The following CASZ1 variants were observed in gnomAD, a reference collection of about 807,000 sequenced individuals.
CASZ1 encodes the protein zinc finger protein castor homolog 1.
Under a neutral mutation model 135.2 loss-of-function variants are expected in CASZ1, and 28 were observed. That is an observed-to-expected ratio of 0.21 (90% CI 0.15 to 0.28). CASZ1 has a LOEUF of 0.28. CASZ1 is among the 10% of genes least tolerant of loss of function. CASZ1 has a pLI of 1.00. For missense variants in CASZ1, 2,161 were observed against 2,453.3 expected (o/e 0.88, Z 2.52); for synonymous variants, 1,068 against 1,073.4 (o/e 0.99, Z 0.10).
Position 10,704,179 on chromosome 1 carries a change from C to T in CASZ1, c.-24+1313G>A, listed in dbSNP as rs17035599. 8.4e-3 allele frequency: 1,277 copies of T among 152,368 alleles called. 64 individuals are homozygous for T. The East Asian group carries it at 0.14, about 17-fold the overall frequency. The allele number at this position is 152,368 out of a possible 1,614,324, so 9.4% of individuals were successfully genotyped here. On this transcript the variant is annotated intron_variant, in intron 3 of 20. Transcript: ENST00000377022. ...GCATCCTGAGGAGCCTTCCACGGCACTCAGATCCTCATGGACCATGTGAAG... is the reference window on the plus strand; with the variant it reads ...GCATCCTGAGGAGCCTTCCACGGCATTCAGATCCTCATGGACCATGTGAAG...
intron 2 of CASZ1, among the ~76,000 whole-genome samples, chr1:10,752,515 C>T (rs1012567692): frequency 2.0e-5 from 3 of 152,126 alleles, no homozygotes; most frequent in African/African-American, 7.2e-5. Flanking sequence ...AGCAAGTGGC[C>T]GGCGTTTGCC....
Position 10,639,100 on chromosome 1 carries a change from C to T in CASZ1, c.5122G>A (p.Glu1708Lys). ...CGCAGGTCCTCGTCGTCGTCGTCCT[C>T]GTCGTCGTCCTCGTCGTCGTCGTCC... ...DEDDDDEDDD[E>K]DDDDEDLRTD... is the part of the protein sequence containing the mutation. The change falls in exon 21 of 21, where the codon GAG becomes AAG. Residue 1708 changes from glutamate (E) to lysine (K), a missense_variant. Transcript: ENST00000377022. The surrounding 1 kb of genome is among the most constrained non-coding windows in gnomAD (Gnocchi z 4.0). The T allele has an allele frequency of 8.7e-7, 1 of 1,150,492 alleles. No homozygotes were observed. Among genetic ancestry groups the T allele is most frequent in the Non-Finnish European group, 1.1e-6 (1 of 911,864 alleles). 71.3% of individuals were successfully genotyped at this position (1,150,492 alleles called of 1,614,324 possible).
At position 10,649,083 on chromosome 1, in the gene CASZ1, T is replaced by C. The variant is rs1447486773; in HGVS notation, c.3145A>G (p.Ile1049Val). Residue 1049 changes from isoleucine (I) to valine (V), a missense_variant, in exon 15 of 21, where the codon ATC (isoleucine) becomes GTC (valine). This residue lies in a region of CASZ1 where 349 missense variants were observed against 460.8 expected (regional missense o/e 0.76). Transcript: ENST00000377022. Reference protein sequence around the residue: ...GALFSTLDGAIKHANFHFRTE... With the variant: ...GALFSTLDGAVKHANFHFRTE... ...CACCCTACTCACTTTGCGTGCTTGA[T>C]GGCCCCGTCCAAGGTGCTGAAGAGC... 1 of 1,613,120 alleles carries C rather than the reference T, an allele frequency of 6.2e-7. No homozygotes were observed. Among genetic ancestry groups the C allele is most frequent in the African/African-American group, 1.3e-5 (1 of 74,936 alleles).
Position 10,735,143 on chromosome 1 carries a change from C to G in CASZ1, c.-77+25558G>C, listed in dbSNP as rs1639773049. On this transcript the variant is annotated intron_variant, in intron 2 of 20. Transcript: ENST00000377022. This position sits in a 1 kb window ranked among gnomAD's most constrained non-coding sequence, Gnocchi z 5.1. Reference sequence around the variant, plus strand: ...GCATCAGTACATTGCACACAGGAGCCAAAGTAACTGAATTTTGATGAAAAG... The same window carrying G: ...GCATCAGTACATTGCACACAGGAGCGAAAGTAACTGAATTTTGATGAAAAG... 6.6e-6 allele frequency among the ~76,000 whole-genome samples: 1 copy of G among 152,118 alleles called. No individual in the cohort carries two copies. The highest frequency in any genetic ancestry group is 6.5e-5 in the Admixed American group (1 of 15,274).
intron 18 of CASZ1, among the ~76,000 whole-genome samples, chr1:10,643,914 C>A (rs562688973): frequency 1.1e-3 from 162 of 152,246 alleles, no homozygotes; most frequent in Admixed American, 3.0e-3. Flanking sequence ...CTGCAGAATA[C>A]CCTGACATCT....
intron 4 of CASZ1, among the ~76,000 whole-genome samples, chr1:10,692,668 C>G (rs760147944): frequency 6.6e-6 from 1 of 152,244 alleles, no homozygotes; most frequent in African/African-American, 2.4e-5. Flanking sequence ...ACACCTCCCC[C>G]CAACAAACAC....
chr1:10,754,162 G>A (rs772140996), intron 2 of CASZ1, among the ~76,000 whole-genome samples: 8 of 152,110 alleles, frequency 5.3e-5, no homozygotes, highest in Non-Finnish European at 1.2e-4. Context: ...CCCCTTCCCT[G>A]GGAGCCACAT....
At chr1:10,650,849 GCC>G in intron 12 of CASZ1, 90 bp downstream of exon 12, 1 of 1,601,618 alleles carries the variant, frequency 6.2e-7, no homozygotes, top group Admixed American at 1.7e-5. Flanking sequence ...CTCCAGCCGA[GCC>G]CGCTGCAACT....
At chr1:10,661,856 TCATA>T (rs895802664) in intron 5 of CASZ1, among the ~76,000 whole-genome samples, 16 of 151,212 alleles carry the variant, frequency 1.1e-4, no homozygotes, top group African/African-American at 2.7e-4. Context: ...ACATGCATTC[TCATA>T]CACTCTTACA....
Position 10,779,465 on chromosome 1 carries a change from G to A in CASZ1, c.-234+17099C>T, listed in dbSNP as rs1201776280. ...CCCTGCGGGGGCCGTGGGTGCAGGC[G>A]CCCTCTCGCCTGGCGCTGCCCCGCC... On this transcript the variant is annotated intron_variant, in intron 1 of 20. Transcript: ENST00000377022. Among the ~76,000 whole-genome samples the A allele has an allele frequency of 3.3e-5, 5 of 151,944 alleles. No individual in the cohort carries two copies. The South Asian group carries it at 8.3e-4, about 25-fold the overall frequency.
chr1:10,783,132 G>A (rs928004981), intron 1 of CASZ1, among the ~76,000 whole-genome samples: 1 of 152,146 alleles, frequency 6.6e-6, no homozygotes, highest in Non-Finnish European at 1.5e-5. Flanking sequence ...CGGGGCCACC[G>A]GCCACCCCCG....
chr1:10,762,651 C>G lies in CASZ1; in HGVS notation c.-233-1794G>C, dbSNP rs1213926130. Among the ~76,000 whole-genome samples the G allele has an allele frequency of 6.6e-6, 1 of 152,182 alleles. No homozygotes were observed. Among genetic ancestry groups the G allele is most frequent in the Non-Finnish European group, 1.5e-5 (1 of 68,032 alleles). ...GGGGGTCTCCACTCCAATATCCCAT[C>G]AGAACGAACCCACCTAAAAGCCAGC... On this transcript the variant is annotated intron_variant, in intron 1 of 20. Transcript: ENST00000377022. The surrounding 1 kb of genome is among the most constrained non-coding windows in gnomAD (Gnocchi z 4.1).
rs947044457 is a variant in CASZ1 at position 10,699,913 on chromosome 1, AAGAGAG to A, written c.-24+5573_-24+5578del. ...GGGGTGGAAACGTGGAGTGTGAGAG[AAGAGAG>A]AGGTAGGTGGGAAGAAAAAGGTGAG... On this transcript the variant is annotated intron_variant, in intron 3 of 20. Transcript: ENST00000377022. The surrounding 1 kb of genome is among the most constrained non-coding windows in gnomAD (Gnocchi z 4.6). Among the ~76,000 whole-genome samples, 30 of 152,206 alleles carry A rather than the reference AAGAGAG, an allele frequency of 2.0e-4. No individual in the cohort carries two copies. Among genetic ancestry groups the A allele is most frequent in the African/African-American group, 6.5e-4 (27 of 41,510 alleles).
chr1:10,788,531 C>T lies in CASZ1; in HGVS notation c.-234+8033G>A, dbSNP rs1640898925. 6.6e-6 allele frequency among the ~76,000 whole-genome samples: 1 copy of T among 152,146 alleles called. No individual in the cohort carries two copies. The highest frequency in any genetic ancestry group is 2.4e-5 in the African/African-American group (1 of 41,434). ...CGAGATTTTTTTTATTAAGAGGATT[C>T]TCAAAGGGGGCACATGGATTCAAAA... is the stretch of plus-strand genomic sequence containing the variant. On this transcript the variant is annotated intron_variant, in intron 1 of 20. Transcript: ENST00000377022. The surrounding 1 kb of genome is among the most constrained non-coding windows in gnomAD (Gnocchi z 4.1).
At position 10,720,424 on chromosome 1, in the gene CASZ1, T is replaced by A. The variant is rs1639476014; in HGVS notation, c.-76-14880A>T. On this transcript the variant is annotated intron_variant, in intron 2 of 20. Coordinates refer to ENST00000377022, the MANE Select transcript of CASZ1 (RefSeq NM_001079843.3). This position sits in a 1 kb window ranked among gnomAD's most constrained non-coding sequence, Gnocchi z 5.7. ...GCACTGACCAGCCCTCCCACTGTGC[T>A]CCCCAAAGAGCCTGGGGAAGCTCAG... Among the ~76,000 whole-genome samples the A allele has an allele frequency of 6.6e-6, 1 of 152,000 alleles. No homozygotes were observed. The highest frequency in any genetic ancestry group is 6.6e-5 in the Admixed American group (1 of 15,264).
intron 4 of CASZ1, among the ~76,000 whole-genome samples, chr1:10,690,402 G>T (rs1211238237): frequency 6.6e-6 from 1 of 152,208 alleles, no homozygotes; most frequent in Non-Finnish European, 1.5e-5. Context: ...GAAGAAGTCT[G>T]CGGCCTACCT....
At chr1:10,672,321 C>T (rs4845840) in intron 4 of CASZ1, among the ~76,000 whole-genome samples, 6,924 of 151,154 alleles carry the variant, frequency 0.046, 281 homozygotes, top group East Asian at 0.17. Flanking sequence ...TCAGGAAGGT[C>T]ATTACAAACG....
chr1:10,763,669 T>C (rs1019755716), intron 1 of CASZ1, among the ~76,000 whole-genome samples: 6 of 152,204 alleles, frequency 3.9e-5, no homozygotes, highest in Non-Finnish European at 5.9e-5. Context: ...GTCTCCACCA[T>C]TGGACTTTTA....
chr1:10,661,128 C>G (rs925629552), intron 5 of CASZ1: 1 of 157,242 alleles, frequency 6.4e-6, no homozygotes, highest in Non-Finnish European at 1.4e-5. Context: ...CACACCTTCC[C>G]AGGTGCTGAG....
Sources: allele counts gnomAD v4.1 joint callset (sites outside exome capture counted in the v4.1 genomes callset), GRCh38; gene constraint gnomAD v4.1.1; regional missense constraint gnomAD v4.1.1; non-coding constraint Gnocchi (gnomAD v3.1); transcripts MANE v1.5; gene names NCBI Gene and HGNC (gene_info 2026-07-23, HGNC 2026-07-21).